The following GALNT14 variants were observed in gnomAD, a reference collection of about 807,000 sequenced individuals.
GALNT14 encodes the protein UDP-GalNAc:polypeptide N-acetylgalactosaminyltransferase 14.
A neutral mutation model predicts 77.5 loss-of-function variants in GALNT14; 60 were observed. The ratio of observed to expected loss-of-function variants is 0.77; its 90% CI spans 0.63 to 0.96. GALNT14 has a LOEUF of 0.96. Ranked by LOEUF, GALNT14 falls within the 40% of genes least tolerant of loss-of-function variation. The pLI is 0.00. For synonymous variants in GALNT14, 280 were observed against 281.7 expected, an observed-to-expected ratio of 0.99 and a Z score of 0.06; for missense variants, 710 against 731.0, an observed-to-expected ratio of 0.97 and a Z score of 0.33.
intron 2 of GALNT14, among the ~76,000 whole-genome samples, chr2:30,970,968 C>T (rs1054138884): frequency 6.6e-6 from 1 of 152,142 alleles, no homozygotes; most frequent in African/African-American, 2.4e-5. Flanking sequence ...TGAGGGAAAT[C>T]CACATCCTGT....
At chr2:30,933,426 C>A (rs1224370302) in intron 9 of GALNT14, among the ~76,000 whole-genome samples, 1 of 152,172 alleles carries the variant, frequency 6.6e-6, no homozygotes, top group Non-Finnish European at 1.5e-5. Flanking sequence ...ACAGGGCCTT[C>A]GTATCACATG....
chr2:31,134,578 A>T (rs909523214), intron 1 of GALNT14, among the ~76,000 whole-genome samples: 7 of 152,208 alleles, frequency 4.6e-5, no homozygotes, highest in South Asian at 4.1e-4. Context: ...GACTCTCCTC[A>T]TCAGGGTGTG....
At chr2:31,114,801 G>A in intron 1 of GALNT14, 1 of 717,572 alleles carries the variant, frequency 1.4e-6, no homozygotes. Context: ...AAGAGACATG[G>A]GAAATGACAT....
intron 1 of GALNT14, among the ~76,000 whole-genome samples, chr2:30,996,968 AAAT>A (rs1311603854): frequency 6.6e-6 from 1 of 152,218 alleles, no homozygotes; most frequent in Non-Finnish European, 1.5e-5. Context: ...CATAAAGAAT[AAAT>A]AAAATAAAAT....
At chr2:31,126,188 A>C (rs935639033) in intron 1 of GALNT14, among the ~76,000 whole-genome samples, 5 of 152,210 alleles carry the variant, frequency 3.3e-5, no homozygotes, top group African/African-American at 1.2e-4. Context: ...ATGTAAGACT[A>C]TTTCATCCAA....
At chr2:31,017,380 A>G (rs6543592) in intron 1 of GALNT14, among the ~76,000 whole-genome samples, 19,277 of 152,228 alleles carry the variant, frequency 0.13, 1,576 homozygotes, top group African/African-American at 0.23. Flanking sequence ...TAACTCCACT[A>G]TGATCTTAAT....
At chr2:30,935,757 T>C (rs1376469120) in intron 9 of GALNT14, among the ~76,000 whole-genome samples, 1 of 152,186 alleles carries the variant, frequency 6.6e-6, no homozygotes, top group Non-Finnish European at 1.5e-5. Context: ...AGGCCAGGCC[T>C]GGTGGTTCGT....
chr2:30,966,190 C>T lies in GALNT14; in HGVS notation c.398+14G>A. The T allele has an allele frequency of 6.2e-7, 1 of 1,611,496 alleles. No individual in the cohort carries two copies. The highest frequency in any genetic ancestry group is 1.7e-5 in the Admixed American group (1 of 59,984). On this transcript the variant is annotated intron_variant, in intron 3 of 14. Coordinates refer to ENST00000349752, the MANE Select transcript of GALNT14 (RefSeq NM_024572.4). ...GGCCCAGAGCTGGCCAACAGACAAG[C>T]AAGGATGCCTCACCTGCGGATGGTC...
intron 1 of GALNT14, among the ~76,000 whole-genome samples, chr2:31,032,658 C>T (rs779829051): frequency 9.2e-5 from 14 of 152,100 alleles, no homozygotes; most frequent in Non-Finnish European, 1.5e-4. Context: ...GAGATTATTT[C>T]CCAATCCCCA....
At chr2:31,137,307 T>C (rs1284700641) in intron 1 of GALNT14, among the ~76,000 whole-genome samples, 2 of 151,966 alleles carry the variant, frequency 1.3e-5, no homozygotes, top group Non-Finnish European at 2.9e-5. Context: ...TGAGCAGGAG[T>C]TGGAAAAGCC....
intron 2 of GALNT14, among the ~76,000 whole-genome samples, chr2:30,992,592 A>G (rs1424503787): frequency 1.3e-5 from 2 of 152,154 alleles, no homozygotes; most frequent in African/African-American, 2.4e-5. Context: ...GGTTAAAGTG[A>G]AAGAGGCCAC....
intron 2 of GALNT14, among the ~76,000 whole-genome samples, chr2:30,984,888 A>G (rs1335195846): frequency 6.6e-6 from 1 of 152,168 alleles, no homozygotes; most frequent in Non-Finnish European, 1.5e-5. Context: ...AAATAACTAC[A>G]CCCAAACCAG....
At chr2:31,059,349 GTTAC>G (rs1416393229) in intron 1 of GALNT14, among the ~76,000 whole-genome samples, 1 of 152,076 alleles carries the variant, frequency 6.6e-6, no homozygotes, top group Non-Finnish European at 1.5e-5. Flanking sequence ...ATCCTAAACT[GTTAC>G]TTATCCTGAA....
intron 1 of GALNT14, among the ~76,000 whole-genome samples, chr2:31,015,118 C>T (rs1276377648): frequency 6.6e-6 from 1 of 151,926 alleles, no homozygotes. Context: ...GGTGAAACCT[C>T]ATCTCTACTA....
intron 13 of GALNT14, among the ~76,000 whole-genome samples, chr2:30,920,286 G>A (rs1046091290): frequency 3.9e-5 from 6 of 152,216 alleles, no homozygotes; most frequent in Non-Finnish European, 8.8e-5. Flanking sequence ...TCTGTACGAT[G>A]GGATAATAGC....
At chr2:31,060,239 A>G (rs1248327532) in intron 1 of GALNT14, among the ~76,000 whole-genome samples, 1 of 152,110 alleles carries the variant, frequency 6.6e-6, no homozygotes, top group African/African-American at 2.4e-5. Flanking sequence ...AGCAGAATCT[A>G]TTGTGACCAT....
intron 4 of GALNT14, among the ~76,000 whole-genome samples, chr2:30,956,349 T>G (rs1173415256): frequency 6.6e-6 from 1 of 152,228 alleles, no homozygotes; most frequent in Non-Finnish European, 1.5e-5. Context: ...ATTTAAATTT[T>G]TAATCTTTAA....
chr2:31,007,680 G>T (rs1259319503), intron 1 of GALNT14, among the ~76,000 whole-genome samples: 1 of 152,092 alleles, frequency 6.6e-6, no homozygotes, highest in Non-Finnish European at 1.5e-5. Flanking sequence ...CAGATGCATT[G>T]GGAACAGATT....
chr2:31,082,197 C>T (rs115476990), intron 1 of GALNT14, among the ~76,000 whole-genome samples: 389 of 152,332 alleles, frequency 2.6e-3, no homozygotes, highest in African/African-American at 8.9e-3. Flanking sequence ...TGCAGACAGT[C>T]CTAGCAACAG....
Sources: allele counts gnomAD v4.1 joint callset (sites outside exome capture counted in the v4.1 genomes callset), GRCh38; gene constraint gnomAD v4.1.1; transcripts MANE v1.5; gene names NCBI Gene and HGNC (gene_info 2026-07-23, HGNC 2026-07-21).